The following STON2 variants were observed in gnomAD, a reference collection of about 807,000 sequenced individuals.
STON2 encodes stonin-2.
STON2 carries 29 observed loss-of-function variants against 65.7 expected under a neutral mutation model. The ratio of observed to expected loss-of-function variants is 0.44; its 90% CI spans 0.33 to 0.60. STON2 has a LOEUF of 0.60. Ranked by LOEUF, STON2 falls within the 20% of genes least tolerant of loss-of-function variation. STON2 has a pLI of 0.03. For synonymous variants in STON2, 404 were observed against 414.2 expected, an observed-to-expected ratio of 0.98 and a Z score of 0.30; for missense variants, 1,054 against 1,118.1, an observed-to-expected ratio of 0.94 and a Z score of 0.82.
chr14:81,354,666 T>G (rs1306689498), intron 4 of STON2, among the ~76,000 whole-genome samples: 1 of 151,788 alleles, frequency 6.6e-6, no homozygotes, highest in East Asian at 1.9e-4. Flanking sequence ...GACAAAAAAA[T>G]AGAAACAACA....
intron 4 of STON2, among the ~76,000 whole-genome samples, chr14:81,361,657 A>G (rs1898498845): frequency 6.6e-6 from 1 of 152,154 alleles, no homozygotes; most frequent in South Asian, 2.1e-4. Context: ...GGATTAAATC[A>G]AAATAAAAAG....
chr14:81,381,417 G>A (rs1899507632), intron 3 of STON2, among the ~76,000 whole-genome samples: 2 of 152,100 alleles, frequency 1.3e-5, no homozygotes, highest in Non-Finnish European at 2.9e-5. Flanking sequence ...CAGGATAGGA[G>A]ATAATATGTG....
In STON2 at chr14:81,261,359, G is replaced by A. The variant is rs1390953172; in HGVS notation, c.*7055C>T. 1 of 152,780 alleles carries A rather than the reference G, an allele frequency of 6.5e-6. No individual in the cohort carries two copies. Among genetic ancestry groups the A allele is most frequent in the African/African-American group, 2.4e-5 (1 of 41,460 alleles). 9.5% of individuals were successfully genotyped at this position (152,780 alleles called of 1,614,324 possible). A position where few individuals can be genotyped will look rare whatever the true frequency, so the allele number is the denominator to read the frequency against. ...TAACACGAGCAAGCAGGAAGAGGAT[G>A]CTGGAATTCCTTACTCTGTCCAGTT... On this transcript the variant is annotated 3_prime_UTR_variant, in exon 8 of 8. Coordinates refer to ENST00000614646, the MANE Select transcript of STON2 (RefSeq NM_001394390.1).
At chr14:81,341,447 T>G (rs975636060) in intron 4 of STON2, among the ~76,000 whole-genome samples, 2 of 95,740 alleles carry the variant, frequency 2.1e-5, no homozygotes, top group Non-Finnish European at 3.5e-5. Flanking sequence ...TTTATAAGTG[T>G]TTTTTTTTTG....
intron 3 of STON2, among the ~76,000 whole-genome samples, chr14:81,391,342 T>G (rs1900067867): frequency 6.6e-6 from 1 of 152,254 alleles, no homozygotes; most frequent in African/African-American, 2.4e-5. Flanking sequence ...GCACATGCAT[T>G]CAAACATTTT....
At chr14:81,276,877 C>T in intron 6 of STON2, 24 bp downstream of exon 6, 1 of 1,590,590 alleles carries the variant, frequency 6.3e-7, no homozygotes, top group South Asian at 1.1e-5. Context: ...TGTTTGTTTT[C>T]ACAGAAGAGG....
At chr14:81,314,646 C>A (rs2140224207) in intron 5 of STON2, among the ~76,000 whole-genome samples, 1 of 152,298 alleles carries the variant, frequency 6.6e-6, no homozygotes. Flanking sequence ...TAGCCCTAAG[C>A]TCTGATTATC....
intron 3 of STON2, among the ~76,000 whole-genome samples, chr14:81,373,017 A>G (rs934613713): frequency 6.6e-6 from 1 of 152,020 alleles, no homozygotes; most frequent in Non-Finnish European, 1.5e-5. Flanking sequence ...CATATTCCTG[A>G]GTATTCTCTC....
At chr14:81,326,141 G>C (rs1896997206) in intron 4 of STON2, among the ~76,000 whole-genome samples, 1 of 152,178 alleles carries the variant, frequency 6.6e-6, no homozygotes, top group Non-Finnish European at 1.5e-5. Flanking sequence ...TTTTATTAAT[G>C]AAGCAAACAT....
At chr14:81,308,410 G>C (rs1224677339) in intron 5 of STON2, among the ~76,000 whole-genome samples, 2 of 152,050 alleles carry the variant, frequency 1.3e-5, no homozygotes, top group Non-Finnish European at 2.9e-5. Context: ...TGCCATGTTG[G>C]CCAGGCTTGT....
intron 6 of STON2, among the ~76,000 whole-genome samples, chr14:81,275,326 G>A (rs1039794226): frequency 1.3e-5 from 2 of 152,062 alleles, no homozygotes; most frequent in African/African-American, 4.8e-5. Flanking sequence ...TTAAGAAAAG[G>A]ACCCTGGATG....
At position 81,277,908 on chromosome 14, in the gene STON2, T is replaced by C. The variant is rs755373364; in HGVS notation, c.1574A>G (p.Glu525Gly). ...YLQLYYEQGL[E>G]KPFREFKLEI... ...CAGCTTGAACTCACGGAATGGTTTT[T>C]CTAGGCCCTGCTCATAATACAGCTG... The change falls in exon 6 of 8, where the codon GAA (glutamate) becomes GGA (glycine). Residue 525 changes from glutamate to glycine, a missense_variant. Transcript: ENST00000614646. The C allele has an allele frequency of 1.9e-6, 3 of 1,614,212 alleles. No individual in the cohort carries two copies. Among genetic ancestry groups the C allele is most frequent in the South Asian group, 2.2e-5 (2 of 91,084 alleles).
chr14:81,308,591 T>C (rs967420709), intron 5 of STON2, among the ~76,000 whole-genome samples: 2 of 151,770 alleles, frequency 1.3e-5, no homozygotes, highest in African/African-American at 2.4e-5. Flanking sequence ...TTCAAGGGTA[T>C]CCCTCTTGGC....
At chr14:81,307,193 C>T (rs939113110) in intron 5 of STON2, among the ~76,000 whole-genome samples, 1 of 152,204 alleles carries the variant, frequency 6.6e-6, no homozygotes, top group African/African-American at 2.4e-5. Flanking sequence ...ATTACACCTT[C>T]AAGTGAGTCT....
In STON2 at chr14:81,277,651, C is replaced by T. The variant is rs538693686; in HGVS notation, c.1831G>A (p.Val611Met). Residue 611 changes from valine to methionine, a missense_variant, in exon 6 of 8, where the codon GTG (valine) becomes ATG (methionine). Physicochemically the swap from Val to Met is conservative, Grantham distance 21. Coordinates refer to ENST00000614646, the MANE Select transcript of STON2 (RefSeq NM_001394390.1). ...AVQDRLMDLP[V>M]LSMDLSTVGL... ...ACTGTGCTCAAGTCCATTGACAACACTGGCAGATCCATGAGACGGTCCTGA... is the reference window on the plus strand; with the variant it reads ...ACTGTGCTCAAGTCCATTGACAACATTGGCAGATCCATGAGACGGTCCTGA... 35 of 1,614,190 alleles carry T rather than the reference C, an allele frequency of 2.2e-5. No individual in the cohort carries two copies. The highest frequency in any genetic ancestry group is 2.9e-5 in the Non-Finnish European group (34 of 1,180,036).
Position 81,268,292 on chromosome 14 carries a change from A to T in STON2, c.*122T>A. On this transcript the variant is annotated 3_prime_UTR_variant, in exon 8 of 8. Transcript: ENST00000614646. ...AGGAAGATCTGGTATACTGTTCCCA[A>T]CATGCAGTGGCCACAGCAGGTATTG... The T allele has an allele frequency of 8.2e-7, 1 of 1,222,230 alleles. No homozygotes were observed. The highest frequency in any genetic ancestry group is 1.0e-6 in the Non-Finnish European group (1 of 959,580). 75.7% of individuals were successfully genotyped at this position (1,222,230 alleles called of 1,614,324 possible).
At chr14:81,325,029 T>C (rs963989229) in intron 4 of STON2, among the ~76,000 whole-genome samples, 4 of 152,220 alleles carry the variant, frequency 2.6e-5, no homozygotes, top group Admixed American at 2.6e-4. Flanking sequence ...TGGCTCATGC[T>C]GGGCCAGCTA....
rs903383755 is a variant in STON2, at chr14:81,413,053, G to A, written c.-199+14049C>T. On this transcript the variant is annotated intron_variant, in intron 2 of 8. Transcript: ENST00000553821. Reference sequence around the variant, plus strand: ...ACTCGGTGGAGTGCGCTCCTCAGGCGCTGGAGAAATACAACAAAGAGAGGA... The same window carrying A: ...ACTCGGTGGAGTGCGCTCCTCAGGCACTGGAGAAATACAACAAAGAGAGGA... 33 of 1,006,418 alleles carry A rather than the reference G, an allele frequency of 3.3e-5. 7 individuals are homozygous for A. In the African/African-American group the frequency reaches 3.5e-4, roughly 11 times the overall value. 62.3% of individuals were successfully genotyped at this position (1,006,418 alleles called of 1,614,324 possible). A position where few individuals can be genotyped will look rare whatever the true frequency, so the allele number is the denominator to read the frequency against.
chr14:81,321,037 A>G (rs114833902), intron 5 of STON2, among the ~76,000 whole-genome samples: 42 of 152,242 alleles, frequency 2.8e-4, no homozygotes, highest in African/African-American at 9.9e-4. Flanking sequence ...CCCTTGCCAG[A>G]CTGTGACCAC....
Sources: gnomAD v4.1 joint callset for allele counts (sites outside exome capture counted in the v4.1 genomes callset) on GRCh38, gnomAD v4.1.1 for gene constraint, MANE v1.5 for transcripts, NCBI Gene and HGNC (gene_info 2026-07-23, HGNC 2026-07-21) for gene names.